Variants in INPP4B observed in about 807,000 individuals in gnomAD.
INPP4B encodes inositol polyphosphate 4-phosphatase type II.
In INPP4B, 55 loss-of-function variants were observed where a neutral mutation model predicts 122.5. The observed-to-expected ratio is 0.45, with a 90% CI of 0.36 to 0.56. The LOEUF is 0.56. Among genes scored for constraint, INPP4B ranks in the 20% least tolerant of loss-of-function variants. The pLI is 0.00. For missense variants in INPP4B, 1,000 were observed against 1,097.7 expected (o/e 0.91, Z 1.26); for synonymous variants, 403 against 388.7 (o/e 1.04, Z -0.43).
At position 142,670,813 on chromosome 4, in the gene INPP4B, A is replaced by G. The variant is rs73850528; in HGVS notation, c.-191+55026T>C. Among the ~76,000 whole-genome samples, 611 of 152,300 alleles carry G rather than the reference A, an allele frequency of 4.0e-3. 6 individuals carry two copies. The highest frequency in any genetic ancestry group is 0.014 in the African/African-American group (586 of 41,562). On this transcript the variant is annotated intron_variant, in intron 2 of 25. Coordinates refer to ENST00000262992, the MANE Select transcript of INPP4B (RefSeq NM_001101669.3). ...GTAGATGTAAACTGTTCTCACCACCAAAATGATTACTATGTGAGATAATGC... is the reference window on the plus strand; with the variant it reads ...GTAGATGTAAACTGTTCTCACCACCGAAATGATTACTATGTGAGATAATGC...
At chr4:142,466,267 G>A (rs977721940) in intron 2 of INPP4B, among the ~76,000 whole-genome samples, 1 of 152,132 alleles carries the variant, frequency 6.6e-6, no homozygotes, top group African/African-American at 2.4e-5. Flanking sequence ...CCAGGCTGAA[G>A]AGATCTCACA....
chr4:142,028,801 T>TAAGTC lies in INPP4B; in HGVS notation c.2751_2755dup (p.Tyr919Ter), dbSNP rs757685869. On this transcript the variant is annotated stop_gained and frameshift_variant, in exon 26 of 26. Coordinates refer to ENST00000262992, the MANE Select transcript of INPP4B (RefSeq NM_001101669.3). LOFTEE classifies it high-confidence loss of function. The stretch of plus-strand genomic sequence containing the variant: ...GTAAACTTAGGTGTCAGCTTTTCCA[T>TAAGTC]AAGTCCCCTCTGGAGGTCTGTAGTA... The TAAGTC allele has an allele frequency of 1.9e-6, 3 of 1,611,170 alleles. No homozygotes were observed. The highest frequency in any genetic ancestry group is 2.5e-6 in the Non-Finnish European group (3 of 1,179,036).
intron 18 of INPP4B, among the ~76,000 whole-genome samples, chr4:142,135,804 T>C (rs752179961): frequency 9.2e-5 from 14 of 151,974 alleles, no homozygotes; most frequent in Admixed American, 1.3e-4. Flanking sequence ...TTTTTTAATG[T>C]TTGTTTGTTT....
intron 1 of INPP4B, among the ~76,000 whole-genome samples, chr4:142,788,160 C>G (rs1580918021): frequency 6.6e-6 from 1 of 152,168 alleles, no homozygotes; most frequent in African/African-American, 2.4e-5. Flanking sequence ...ACACTTAGTA[C>G]ATTTAGAGCA....
In INPP4B at chr4:142,094,026, G is replaced by A. The variant is rs1047508383; in HGVS notation, c.2375-7770C>T. On this transcript the variant is annotated intron_variant, in intron 23 of 25. Coordinates refer to ENST00000262992, the MANE Select transcript of INPP4B (RefSeq NM_001101669.3). Reference sequence around the variant, plus strand: ...TGGTGTTCAGGGAGAAGAATACGACGATAACATATTTTTTTCCTGTTTATA... The same window carrying A: ...TGGTGTTCAGGGAGAAGAATACGACAATAACATATTTTTTTCCTGTTTATA... 8.5e-5 allele frequency among the ~76,000 whole-genome samples: 13 copies of A among 152,228 alleles called. No homozygotes were observed. In the East Asian group the frequency reaches 9.6e-4, roughly 11 times the overall value.
intron 1 of INPP4B, among the ~76,000 whole-genome samples, chr4:142,845,634 T>C (rs923415590): frequency 2.6e-5 from 4 of 152,156 alleles, no homozygotes; most frequent in African/African-American, 9.6e-5. Flanking sequence ...GGGCTCTTTA[T>C]TTTTAAAACA....
chr4:142,299,810 C>G (rs546844956), intron 9 of INPP4B, among the ~76,000 whole-genome samples: 3 of 151,802 alleles, frequency 2.0e-5, no homozygotes, highest in African/African-American at 7.3e-5. Context: ...TACCACCCCC[C>G]CAAAAAACTG....
chr4:142,782,371 C>G (rs1774991816), intron 1 of INPP4B, among the ~76,000 whole-genome samples: 1 of 150,888 alleles, frequency 6.6e-6, no homozygotes. Context: ...TTTTCTTAAT[C>G]CAGTCTATCA....
chr4:142,405,249 A>C lies in INPP4B; in HGVS notation c.212T>G (p.Val71Gly). 1 of 1,613,256 alleles carries C rather than the reference A, an allele frequency of 6.2e-7. No homozygotes were observed. The highest frequency in any genetic ancestry group is 1.1e-5 in the South Asian group (1 of 91,024). Residue 71 changes from valine (V) to glycine (G), a missense_variant, in exon 6 of 26, where the codon GTG (valine) becomes GGG (glycine). By Grantham distance (109) the Val-to-Gly change is moderately radical. Coordinates refer to ENST00000262992, the MANE Select transcript of INPP4B (RefSeq NM_001101669.3). ...GGAGTATCTTGTCAGACTCTGCTCC[A>C]CGGGGTGGATTACGGAGATCTGCAC... is the stretch of plus-strand genomic sequence containing the variant. ...TLVQISVIHP[V>G]EQSLTRYSST...
At chr4:142,131,712 T>A (rs1346320329) in intron 18 of INPP4B, among the ~76,000 whole-genome samples, 1 of 152,190 alleles carries the variant, frequency 6.6e-6, no homozygotes, top group Non-Finnish European at 1.5e-5. Flanking sequence ...TCCCAGCACT[T>A]TGGGAGGCCA....
chr4:142,241,518 T>C (rs993650528), intron 11 of INPP4B, among the ~76,000 whole-genome samples: 1 of 152,174 alleles, frequency 6.6e-6, no homozygotes, highest in Non-Finnish European at 1.5e-5. Context: ...CAGATTGTAA[T>C]AGGGACATTT....
intron 1 of INPP4B, among the ~76,000 whole-genome samples, chr4:142,729,968 G>C (rs1765846991): frequency 9.0e-5 from 1 of 11,072 alleles, no homozygotes; most frequent in African/African-American, 1.8e-4. Flanking sequence ...CCAGTCCACT[G>C]TCTCCACTAA....
chr4:142,509,138 T>C (rs1824391493), intron 2 of INPP4B, among the ~76,000 whole-genome samples: 1 of 152,178 alleles, frequency 6.6e-6, no homozygotes, highest in South Asian at 2.1e-4. Context: ...ACCAAACAAG[T>C]CCATGTCTTG....
intron 24 of INPP4B, among the ~76,000 whole-genome samples, chr4:142,082,559 A>C (rs1774490200): frequency 6.6e-6 from 1 of 152,228 alleles, no homozygotes; most frequent in African/African-American, 2.4e-5. Context: ...AAAAACAAAC[A>C]AACAACCAAC....
intron 1 of INPP4B, chr4:142,765,886 A>G (rs771717498): frequency 6.6e-6 from 1 of 151,754 alleles, no homozygotes; most frequent in Non-Finnish European, 1.5e-5. Flanking sequence ...AAGTCAATGT[A>G]TCATTATTTT....
rs1446304198 is a variant in INPP4B at position 142,091,991 on chromosome 4, GA to G, written c.2375-5736del. Among the ~76,000 whole-genome samples, 3 of 152,142 alleles carry G rather than the reference GA, an allele frequency of 2.0e-5. No homozygotes were observed. The East Asian group carries it at 5.8e-4, about 29-fold the overall frequency. On this transcript the variant is annotated intron_variant, in intron 23 of 25. Transcript: ENST00000262992. ...ATGGGATGCACCACACTCCCACTCT[GA>G]CGTCCATTTGTGTGATCCATACCCC...
chr4:142,620,056 T>A (rs959484705), intron 2 of INPP4B, among the ~76,000 whole-genome samples: 2 of 151,860 alleles, frequency 1.3e-5, no homozygotes, highest in Non-Finnish European at 2.9e-5. Context: ...AAAAGATAAC[T>A]CTCATACATT....
intron 2 of INPP4B, among the ~76,000 whole-genome samples, chr4:142,478,796 C>A (rs1276042320): frequency 6.6e-6 from 1 of 152,114 alleles, no homozygotes; most frequent in East Asian, 1.9e-4. Context: ...ATAATACTGG[C>A]CTCATAGAAT....
chr4:142,038,061 C>T (rs1745071360), intron 25 of INPP4B, among the ~76,000 whole-genome samples: 1 of 152,120 alleles, frequency 6.6e-6, no homozygotes, highest in South Asian at 2.1e-4. Flanking sequence ...TTTTCATTTT[C>T]AGTTTAGATC....
Sources: allele counts gnomAD v4.1 joint callset (sites outside exome capture counted in the v4.1 genomes callset), GRCh38; gene constraint gnomAD v4.1.1; transcripts MANE v1.5; gene names NCBI Gene and HGNC (gene_info 2026-07-23, HGNC 2026-07-21).